The following TCERG1 variants were observed in gnomAD, a reference collection of about 807,000 sequenced individuals.
TCERG1 encodes the protein TATA box binding protein (TBP)-associated factor, RNA polymerase II, S, 150kD.
Under a neutral mutation model 144.7 loss-of-function variants are expected in TCERG1, and 37 were observed. The observed-to-expected ratio is 0.26, with a 90% CI of 0.20 to 0.34. The LOEUF (loss-of-function observed/expected upper bound fraction) is 0.34, where lower values mean the gene tolerates loss of function less well. Ranked by LOEUF, TCERG1 falls within the 10% of genes least tolerant of loss-of-function variation. The pLI, the probability that TCERG1 is intolerant of heterozygous loss-of-function variation, is 1.00. For synonymous variants in TCERG1, 492 were observed against 458.2 expected, an observed-to-expected ratio of 1.07 and a Z score of -0.94; for missense variants, 1,027 against 1,380.7, an observed-to-expected ratio of 0.74 and a Z score of 4.06.
chr5:146,469,428 C>A, intron 6 of TCERG1, 116 bp from the exon 7 acceptor site: 1 of 806,674 alleles, frequency 1.2e-6, no homozygotes, highest in Non-Finnish European at 1.8e-6. Context: ...TTGTTTTGTT[C>A]CAACTGGTCC....
intron 18 of TCERG1, 79 bp downstream of exon 18, chr5:146,503,618 A>C: frequency 6.6e-7 from 1 of 1,515,518 alleles, no homozygotes; most frequent in Admixed American, 2.1e-5. Flanking sequence ...GTTGTTGGGG[A>C]TTTTTCTATT....
At chr5:146,452,840 C>T (rs142218808) in intron 1 of TCERG1, among the ~76,000 whole-genome samples, 269 of 152,272 alleles carry the variant, frequency 1.8e-3, no homozygotes, top group African/African-American at 6.2e-3. Context: ...GATCTGCCTG[C>T]CTTGGCCACC....
rs1765468383 is a variant in TCERG1, at chr5:146,482,709, C to T, written c.2055C>T (p.Asp685=). 2 of 1,611,916 alleles carry T rather than the reference C, an allele frequency of 1.2e-6. No homozygotes were observed. Among genetic ancestry groups the T allele is most frequent in the South Asian group, 1.1e-5 (1 of 90,844 alleles). The part of the protein sequence containing the change: ...PLEARMKQFK[D]MLLERGVSAF... ...AGGCTCGAATGAAGCAGTTCAAGGA[C>T]ATGCTGCTAGAGAGAGGGGTCAGAA... The change falls in exon 14 of 23, where the codon GAC becomes GAT. Residue 685 remains aspartate (D), a synonymous_variant. Transcript: ENST00000679501.
chr5:146,459,465 T>G, intron 4 of TCERG1, 128 bp downstream of exon 4: 2 of 1,473,022 alleles, frequency 1.4e-6, no homozygotes, highest in Non-Finnish European at 1.8e-6. Flanking sequence ...AAAATACATT[T>G]TTGACACTAA....
chr5:146,480,824 TTTC>T (rs1765294361), intron 12 of TCERG1, among the ~76,000 whole-genome samples: 1 of 152,064 alleles, frequency 6.6e-6, no homozygotes. Context: ...TTAAAAAAAA[TTTC>T]TTTATTGGCA....
At chr5:146,471,124 T>G (rs1764255071) in intron 8 of TCERG1, among the ~76,000 whole-genome samples, 2 of 152,258 alleles carry the variant, frequency 1.3e-5, no homozygotes, top group African/African-American at 4.8e-5. Context: ...TGTATAGCAC[T>G]AAAAGAGTTT....
intron 17 of TCERG1, among the ~76,000 whole-genome samples, chr5:146,502,565 A>G (rs1485015907): frequency 6.6e-6 from 1 of 152,218 alleles, no homozygotes; most frequent in Non-Finnish European, 1.5e-5. Flanking sequence ...AAGTAGTTGT[A>G]TATGTTGATA....
At chr5:146,489,584 A>G (rs1232709229) in intron 15 of TCERG1, among the ~76,000 whole-genome samples, 1 of 152,174 alleles carries the variant, frequency 6.6e-6, no homozygotes, top group Admixed American at 6.5e-5. Flanking sequence ...CTTTTAGTAA[A>G]TGTATTTTGA....
At chr5:146,487,324 A>G (rs1765933981) in intron 15 of TCERG1, among the ~76,000 whole-genome samples, 1 of 152,158 alleles carries the variant, frequency 6.6e-6, no homozygotes, top group African/African-American at 2.4e-5. Flanking sequence ...TACAAAGGGA[A>G]AGACATCCCA....
Position 146,469,794 on chromosome 5 carries a change from A to G in TCERG1, c.1399+50A>G, listed in dbSNP as rs755922119. On this transcript the variant is annotated intron_variant, in intron 7 of 22. Coordinates refer to ENST00000679501, the MANE Select transcript of TCERG1 (RefSeq NM_001382548.1). The stretch of plus-strand genomic sequence containing the variant: ...GAAAGTAGTATAAACTGTAATAAGT[A>G]GAATGGTATTTGAAATTCTGAGTTA... 45 of 1,257,302 alleles carry G rather than the reference A, an allele frequency of 3.6e-5. No homozygotes were observed. In the Middle Eastern group the frequency reaches 8.4e-4, roughly 24 times the overall value. 77.9% of individuals were successfully genotyped at this position (1,257,302 alleles called of 1,614,324 possible). A position where few individuals can be genotyped will look rare whatever the true frequency, so the allele number is the denominator to read the frequency against.
chr5:146,456,296 C>CT (rs1202471590), intron 2 of TCERG1, among the ~76,000 whole-genome samples: 16 of 152,160 alleles, frequency 1.1e-4, no homozygotes, highest in Non-Finnish European at 1.9e-4. Context: ...CTGGTATAAT[C>CT]TTTAACGTGA....
intron 7 of TCERG1, among the ~76,000 whole-genome samples, chr5:146,470,081 A>G (rs927537843): frequency 1.3e-5 from 2 of 152,156 alleles, no homozygotes; most frequent in East Asian, 1.9e-4. Flanking sequence ...TGTGTTTTTT[A>G]TATGTGTTCT....
intron 5 of TCERG1, among the ~76,000 whole-genome samples, chr5:146,468,032 A>G (rs1262853166): frequency 2.6e-5 from 4 of 152,210 alleles, no homozygotes; most frequent in African/African-American, 9.6e-5. Context: ...AATGTCCCAC[A>G]TGAGAATTTG....
At position 146,469,531 on chromosome 5, in the gene TCERG1, A is replaced by G. The variant is rs562285577; in HGVS notation, c.1199-13A>G. 7.7e-6 allele frequency: 12 copies of G among 1,566,862 alleles called. No homozygotes were observed. In the South Asian group the frequency reaches 1.2e-4, roughly 16 times the overall value. ...TGATACTTGGATCTAATTTTTTATT[A>G]TTCTTTTTTTAGGTGTATTGCCAGG... On this transcript the variant is annotated splice_polypyrimidine_tract_variant and intron_variant, in intron 6 of 22. Coordinates refer to ENST00000679501, the MANE Select transcript of TCERG1 (RefSeq NM_001382548.1).
At chr5:146,457,751 G>A (rs1484331711) in intron 3 of TCERG1, among the ~76,000 whole-genome samples, 2 of 152,210 alleles carry the variant, frequency 1.3e-5, no homozygotes, top group African/African-American at 4.8e-5. Context: ...GCTGTCTCAG[G>A]TCTGTTATGT....
At chr5:146,487,925 A>G (rs1766002438) in intron 15 of TCERG1, among the ~76,000 whole-genome samples, 1 of 152,174 alleles carries the variant, frequency 6.6e-6, no homozygotes, top group South Asian at 2.1e-4. Flanking sequence ...GGAACAGAAT[A>G]GGGAACTCAG....
At chr5:146,506,866 G>T (rs1315902044) in intron 19 of TCERG1, among the ~76,000 whole-genome samples, 162 bp from the exon 20 acceptor site, 1 of 152,064 alleles carries the variant, frequency 6.6e-6, no homozygotes, top group Non-Finnish European at 1.5e-5. Context: ...GTACTCCATT[G>T]TGTATATTTA....
intron 16 of TCERG1, among the ~76,000 whole-genome samples, chr5:146,494,590 C>A (rs554433066): frequency 2.4e-4 from 36 of 152,226 alleles, no homozygotes; most frequent in Admixed American, 2.0e-3. Context: ...ACATCCAACT[C>A]TGGCATAGAA....
At chr5:146,478,301 T>C (rs191497318) in intron 9 of TCERG1, 192 bp from the exon 10 acceptor site, 22 of 439,958 alleles carry the variant, frequency 5.0e-5, no homozygotes, top group African/African-American at 4.1e-4. Context: ...AATATGTTGA[T>C]CTGTTATTTT....
Sources: allele counts gnomAD v4.1 joint callset (sites outside exome capture counted in the v4.1 genomes callset), GRCh38; gene constraint gnomAD v4.1.1; transcripts MANE v1.5; gene names NCBI Gene and HGNC (gene_info 2026-07-23, HGNC 2026-07-21).